The following SLIT3 variants were observed in gnomAD, a reference collection of about 807,000 sequenced individuals.
SLIT3 encodes the protein slit guidance ligand 3, also known as slit homolog 3 protein.
SLIT3 carries 68 observed loss-of-function variants against 184.0 expected under a neutral mutation model. That is an observed-to-expected ratio of 0.37 (90% CI 0.30 to 0.45). The LOEUF (loss-of-function observed/expected upper bound fraction) is 0.45, where lower values mean the gene tolerates loss of function less well. SLIT3 is among the 20% of genes least tolerant of loss of function. The pLI is 1.00. For synonymous variants in SLIT3, 831 were observed against 828.6 expected, an observed-to-expected ratio of 1.00 and a Z score of -0.05; for missense variants, 1,707 against 2,026.0, an observed-to-expected ratio of 0.84 and a Z score of 3.02.
chr5:168,724,558 C>T, intron 20 of SLIT3, 74 bp from the exon 21 acceptor site: 1 of 1,299,666 alleles, frequency 7.7e-7, no homozygotes, highest in Non-Finnish European at 1.1e-6. Flanking sequence ...GAGAAGCCTC[C>T]CTGACTTTCC....
intron 4 of SLIT3, among the ~76,000 whole-genome samples, chr5:169,135,636 G>C (rs184819769): frequency 6.6e-6 from 1 of 152,256 alleles, no homozygotes; most frequent in Non-Finnish European, 1.5e-5. Flanking sequence ...ATATGCTTCT[G>C]TTTCCTGAGT....
At chr5:169,217,420 G>C (rs533107067) in intron 3 of SLIT3, among the ~76,000 whole-genome samples, 1 of 152,136 alleles carries the variant, frequency 6.6e-6, no homozygotes, top group African/African-American at 2.4e-5. Context: ...CCCAGGGCTC[G>C]ACTTTGTGGC....
chr5:169,089,263 GGT>G (rs1759475052), intron 4 of SLIT3, among the ~76,000 whole-genome samples: 1 of 152,060 alleles, frequency 6.6e-6, no homozygotes, highest in South Asian at 2.1e-4. Context: ...CTCTTTGGGA[GGT>G]GGAGAGTGAC....
At chr5:169,265,732 T>A (rs186902188) in intron 1 of SLIT3, among the ~76,000 whole-genome samples, 1 of 152,276 alleles carries the variant, frequency 6.6e-6, no homozygotes, top group African/African-American at 2.4e-5. Context: ...ACGTATAAAG[T>A]GATTCTAGCC....
chr5:168,848,328 T>C (rs2113722101), intron 5 of SLIT3, among the ~76,000 whole-genome samples: 1 of 152,338 alleles, frequency 6.6e-6, no homozygotes, highest in African/African-American at 2.4e-5. Context: ...GCACCTTCCC[T>C]GCTTCTTGTC....
intron 4 of SLIT3, among the ~76,000 whole-genome samples, chr5:169,167,399 C>T (rs1173735084): frequency 6.6e-6 from 1 of 150,960 alleles, no homozygotes; most frequent in Non-Finnish European, 1.5e-5. Flanking sequence ...CTCAGCCTCC[C>T]GAGTAGCTGG....
intron 3 of SLIT3, among the ~76,000 whole-genome samples, chr5:169,236,200 T>A (rs973435204): frequency 2.0e-5 from 3 of 152,230 alleles, no homozygotes; most frequent in Non-Finnish European, 4.4e-5. Flanking sequence ...ACTCAAATTG[T>A]TCCAGCTTTG....
At chr5:168,880,093 C>CTTTG (rs548449810) in intron 5 of SLIT3, among the ~76,000 whole-genome samples, 2 of 152,238 alleles carry the variant, frequency 1.3e-5, no homozygotes, top group Non-Finnish European at 2.9e-5. Flanking sequence ...GGACTGCTTA[C>CTTTG]TTTGGCCTCT....
chr5:168,939,690 C>G (rs1418422683), intron 4 of SLIT3, among the ~76,000 whole-genome samples: 1 of 152,182 alleles, frequency 6.6e-6, no homozygotes, highest in Non-Finnish European at 1.5e-5. Flanking sequence ...GCTCTATAAT[C>G]AAGACTTTCC....
At chr5:168,783,804 G>C (rs772493160) in intron 12 of SLIT3, among the ~76,000 whole-genome samples, 5 of 152,156 alleles carry the variant, frequency 3.3e-5, no homozygotes, top group Non-Finnish European at 7.4e-5. Flanking sequence ...TTGAGTCCCA[G>C]TTACTGGTTC....
intron 4 of SLIT3, among the ~76,000 whole-genome samples, chr5:169,128,237 C>T (rs968988864): frequency 3.4e-5 from 5 of 147,014 alleles, no homozygotes; most frequent in Non-Finnish European, 7.5e-5. Context: ...TATATATATA[C>T]ACACACACAC....
chr5:168,718,593 G>A (rs1180346555), intron 23 of SLIT3, among the ~76,000 whole-genome samples: 1 of 151,010 alleles, frequency 6.6e-6, no homozygotes, highest in Non-Finnish European at 1.5e-5. Context: ...AGTAGAAAAA[G>A]CATTTTCCAC....
intron 20 of SLIT3, among the ~76,000 whole-genome samples, chr5:168,734,479 G>T (rs1763375998): frequency 6.6e-6 from 1 of 152,158 alleles, no homozygotes; most frequent in Admixed American, 6.5e-5. Flanking sequence ...AACTCCTACA[G>T]ATGCATGGAT....
At chr5:169,083,940 C>CA (rs1347275295) in intron 4 of SLIT3, among the ~76,000 whole-genome samples, 1 of 152,216 alleles carries the variant, frequency 6.6e-6, no homozygotes, top group Non-Finnish European at 1.5e-5. Flanking sequence ...TGCTCTCTCA[C>CA]AAGCCCTGTA....
At chr5:169,246,100 A>G (rs1765578240) in intron 2 of SLIT3, among the ~76,000 whole-genome samples, 1 of 152,232 alleles carries the variant, frequency 6.6e-6, no homozygotes, top group African/African-American at 2.4e-5. Flanking sequence ...TGTTGCCAAC[A>G]GTTGAAAATC....
At chr5:168,789,521 C>A (rs7729394) in intron 11 of SLIT3, 39 bp downstream of exon 11, 81 of 1,541,330 alleles carry the variant, frequency 5.3e-5, no homozygotes, top group Middle Eastern at 1.7e-4. Context: ...CAGCGCCCCC[C>A]CTCCCCTCAC....
chr5:169,069,774 G>C (rs564111940), intron 4 of SLIT3, among the ~76,000 whole-genome samples: 1 of 152,222 alleles, frequency 6.6e-6, no homozygotes, highest in South Asian at 2.1e-4. Context: ...GACAGACAGA[G>C]TGAATATGAA....
intron 3 of SLIT3, among the ~76,000 whole-genome samples, chr5:169,217,786 C>T (rs951207442): frequency 2.1e-4 from 32 of 152,126 alleles, no homozygotes; most frequent in East Asian, 1.7e-3. Flanking sequence ...CCCACAATTC[C>T]GAGAGGTGGG....
intron 4 of SLIT3, among the ~76,000 whole-genome samples, chr5:169,146,490 G>A (rs1226806822): frequency 6.6e-6 from 1 of 152,108 alleles, no homozygotes; most frequent in African/African-American, 2.4e-5. Flanking sequence ...TGATGACAAT[G>A]GCTTGAAGTT....
Sources: allele counts gnomAD v4.1 joint callset (sites outside exome capture counted in the v4.1 genomes callset), GRCh38; gene constraint gnomAD v4.1.1; transcripts MANE v1.5; gene names NCBI Gene and HGNC (gene_info 2026-07-23, HGNC 2026-07-21).